Variants in TGFBRAP1 observed in about 807,000 individuals in gnomAD.
TGFBRAP1 encodes transforming growth factor beta receptor associated protein 1.
A neutral mutation model predicts 83.2 loss-of-function variants in TGFBRAP1; 20 were observed. That is an observed-to-expected ratio of 0.24 (90% CI 0.17 to 0.35). TGFBRAP1 has a LOEUF of 0.35. Ranked by LOEUF, TGFBRAP1 falls within the 10% of genes least tolerant of loss-of-function variation. The pLI is 1.00. For synonymous variants in TGFBRAP1, 415 were observed against 459.8 expected, an observed-to-expected ratio of 0.90 and a Z score of 1.25; for missense variants, 950 against 1,099.4, an observed-to-expected ratio of 0.86 and a Z score of 1.92.
the TGFBRAP1 span, among the ~76,000 whole-genome samples, chr2:105,250,598 TCCTCTC>T: frequency 7.6e-6 from 1 of 131,132 alleles, no homozygotes; most frequent in Non-Finnish European, 1.7e-5. Context: ...TCCCTCTCCC[TCCTCTC>T]CCTCTCCCTC....
the TGFBRAP1 span, among the ~76,000 whole-genome samples, chr2:105,258,730 T>TACACACACACAC: frequency 5.8e-4 from 82 of 140,610 alleles, no homozygotes; most frequent in East Asian, 5.6e-3. Context: ...TCCCCACCCC[T>TACACACACACAC]ACACACACAC....
chr2:105,256,017 C>T, the TGFBRAP1 span, among the ~76,000 whole-genome samples: 30 of 152,266 alleles, frequency 2.0e-4, no homozygotes, highest in African/African-American at 3.9e-4. Flanking sequence ...CCATACCTCA[C>T]GTTTTCTATT....
intron 1 of TGFBRAP1, among the ~76,000 whole-genome samples, chr2:105,316,729 G>A (rs903808377): frequency 6.6e-6 from 1 of 151,446 alleles, no homozygotes; most frequent in African/African-American, 2.4e-5. Flanking sequence ...CAGGAGAATC[G>A]TTTGAACCTG....
At chr2:105,257,814 C>T in the TGFBRAP1 span, among the ~76,000 whole-genome samples, 2 of 152,240 alleles carry the variant, frequency 1.3e-5, no homozygotes, top group South Asian at 4.1e-4. Flanking sequence ...CCAGACAGAC[C>T]AACAAGCAAA....
In TGFBRAP1 at chr2:105,265,131, G is replaced by A. The variant is rs1004121448; in HGVS notation, c.*2252C>T. ...TTTAATTCCCATTATTCTAAAGGAT[G>A]ACAAACATTTTAGAGTATTGATCAA... is the stretch of plus-strand genomic sequence containing the variant. On this transcript the variant is annotated 3_prime_UTR_variant, in exon 12 of 12. Coordinates refer to ENST00000393359, the MANE Select transcript of TGFBRAP1 (RefSeq NM_004257.6). 3.9e-5 allele frequency: 6 copies of A among 152,336 alleles called. No homozygotes were observed. Among genetic ancestry groups the A allele is most frequent in the African/African-American group, 1.2e-4 (5 of 41,578 alleles). 9.4% of individuals were successfully genotyped at this position (152,336 alleles called of 1,614,324 possible).
intron 1 of TGFBRAP1, among the ~76,000 whole-genome samples, chr2:105,317,846 G>C (rs1258622706): frequency 6.6e-6 from 1 of 152,140 alleles, no homozygotes; most frequent in Admixed American, 6.6e-5. Flanking sequence ...CCTTTCAATG[G>C]AGAGGAAACA....
At position 105,284,417 on chromosome 2, in the gene TGFBRAP1, G is replaced by A. The variant is rs774318603; in HGVS notation, c.1039-19C>T. On this transcript the variant is annotated intron_variant, in intron 4 of 11. Transcript: ENST00000393359. ...ACATTACCTGCAAGGAAAGACGGGT[G>A]TAATCTCTTAGTGAATCTTGAAACC... 4.3e-6 allele frequency: 7 copies of A among 1,611,530 alleles called. No individual in the cohort carries two copies. The highest frequency in any genetic ancestry group is 2.7e-5 in the African/African-American group (2 of 74,982).
downstream of TGFBRAP1, among the ~76,000 whole-genome samples, chr2:105,260,198 C>G (rs1676756140): frequency 6.6e-6 from 1 of 152,084 alleles, no homozygotes. Flanking sequence ...CACTTGAGGT[C>G]AGGAGTTCGA....
intron 4 of TGFBRAP1, among the ~76,000 whole-genome samples, chr2:105,291,345 G>A (rs1184187966): frequency 6.6e-6 from 1 of 152,166 alleles, no homozygotes; most frequent in Non-Finnish European, 1.5e-5. Context: ...TTGGCCTCCA[G>A]AACTGAGAAA....
At position 105,266,788 on chromosome 2, in the gene TGFBRAP1, CT is replaced by C. The variant is rs1234599527; in HGVS notation, c.*594del. 3 of 152,386 alleles carry C rather than the reference CT, an allele frequency of 2.0e-5. No individual in the cohort carries two copies. Among genetic ancestry groups the C allele is most frequent in the African/African-American group, 4.8e-5 (2 of 41,470 alleles). 9.4% of individuals were successfully genotyped at this position (152,386 alleles called of 1,614,324 possible). A position where few individuals can be genotyped will look rare whatever the true frequency, so the allele number is the denominator to read the frequency against. ...GAGGAAGAAAGAAGGAACAAAGGTA[CT>C]TCTCCAGGGTCAGCCGTTTCTGAGG... On this transcript the variant is annotated 3_prime_UTR_variant, in exon 12 of 12. Transcript: ENST00000393359.
At chr2:105,300,147 G>A (rs984675195) in intron 2 of TGFBRAP1, among the ~76,000 whole-genome samples, 1 of 152,286 alleles carries the variant, frequency 6.6e-6, no homozygotes, top group African/African-American at 2.4e-5. Context: ...CCTTCTTCAA[G>A]AAGCACTGTC....
rs763732959 is a variant in TGFBRAP1 at position 105,280,645 on chromosome 2, G to A, written c.1200C>T (p.Ser400=). 3.1e-6 allele frequency: 5 copies of A among 1,614,142 alleles called. No individual in the cohort carries two copies. The highest frequency in any genetic ancestry group is 4.2e-6 in the Non-Finnish European group (5 of 1,180,038). ...CTGCGTACTCATGAAGAGGAGGGTG[G>A]GACCGGGTGAAGGAGGAGGAGGTGG... ...LLPTSSSFTR[S]HPPLHEYADL... Residue 400 remains serine (S), a synonymous_variant, in exon 6 of 12, where the codon TCC becomes TCT. Transcript: ENST00000393359.
the TGFBRAP1 span, among the ~76,000 whole-genome samples, chr2:105,250,438 T>C: frequency 6.6e-6 from 1 of 152,342 alleles, no homozygotes; most frequent in South Asian, 2.1e-4. Flanking sequence ...AAGTTCATTT[T>C]CGGAAGCATT....
At chr2:105,280,311 C>T (rs1446552073) in intron 6 of TGFBRAP1, 71 bp downstream of exon 6, 3 of 1,499,738 alleles carry the variant, frequency 2.0e-6, no homozygotes, top group Non-Finnish European at 1.8e-6. Flanking sequence ...TCACGAGGAT[C>T]TCCCCAGCAA....
At chr2:105,262,464 C>G (rs1384367203), downstream of TGFBRAP1, among the ~76,000 whole-genome samples, 1 of 152,166 alleles carries the variant, frequency 6.6e-6, no homozygotes, top group Non-Finnish European at 1.5e-5. Context: ...GAAGCAGATG[C>G]CAGCACCACG....
intron 4 of TGFBRAP1, among the ~76,000 whole-genome samples, chr2:105,291,925 A>G (rs1025651616): frequency 3.9e-5 from 6 of 152,356 alleles, no homozygotes; most frequent in South Asian, 2.1e-4. Flanking sequence ...AAAGAAATCC[A>G]GATTGTCATC....
At chr2:105,272,812 ATGAGT>A (rs1172153381) in intron 10 of TGFBRAP1, 38 bp downstream of exon 10, 2 of 1,602,178 alleles carry the variant, frequency 1.2e-6, no homozygotes, top group Admixed American at 3.4e-5. Flanking sequence ...CCCGCTTGAT[ATGAGT>A]TTTTTCCAAA....
At chr2:105,272,416 T>C (rs186081652) in intron 10 of TGFBRAP1, among the ~76,000 whole-genome samples, 24 of 152,266 alleles carry the variant, frequency 1.6e-4, no homozygotes, top group African/African-American at 4.1e-4. Flanking sequence ...TGCTTTGACA[T>C]TGAATAAAGA....
chr2:105,308,563 A>G (rs1169035698), intron 1 of TGFBRAP1, among the ~76,000 whole-genome samples: 1 of 152,122 alleles, frequency 6.6e-6, no homozygotes, highest in Non-Finnish European at 1.5e-5. Context: ...TGTGCTTGTG[A>G]TCACGTGCCA....
Sources: gnomAD v4.1 joint callset for allele counts (sites outside exome capture counted in the v4.1 genomes callset) on GRCh38, gnomAD v4.1.1 for gene constraint, MANE v1.5 for transcripts, NCBI Gene and HGNC (gene_info 2026-07-23, HGNC 2026-07-21) for gene names.